Variants in SLC25A36 observed in about 807,000 individuals in gnomAD.
SLC25A36 encodes the protein solute carrier family 25 member 36, also known as epididymis secretory sperm binding protein.
A neutral mutation model predicts 35.3 loss-of-function variants in SLC25A36; 24 were observed. The ratio of observed to expected loss-of-function variants is 0.68; its 90% CI spans 0.49 to 0.96. SLC25A36 has a LOEUF of 0.96. Among genes scored for constraint, SLC25A36 ranks in the 40% least tolerant of loss-of-function variants. SLC25A36 has a pLI of 0.00. For missense variants in SLC25A36, 294 were observed against 381.1 expected, an observed-to-expected ratio of 0.77 and a Z score of 1.90; for synonymous variants, 141 against 132.2, an observed-to-expected ratio of 1.07 and a Z score of -0.46.
chr3:140,976,297 A>G lies in SLC25A36; in HGVS notation c.780A>G (p.Lys260=), dbSNP rs78366368. 1,064 of 1,612,244 alleles carry G rather than the reference A, an allele frequency of 6.6e-4. 3 individuals carry two copies. The African/African-American group carries it at 8.1e-3, about 12-fold the overall frequency. The change falls in exon 7 of 7, where the codon AAA becomes AAG. Residue 260 remains lysine (K), a synonymous_variant. Transcript: ENST00000324194. ...VRTRLREEGT[K]YRSFFQTLSL... is the part of the protein sequence containing the mutation. ...CAAGACTACGTGAAGAGGGAACAAA[A>G]TACAGATCTTTTTTTCAGACTCTAT...
chr3:140,944,042 A>G (rs1459452463), intron 1 of SLC25A36, among the ~76,000 whole-genome samples: 1 of 152,142 alleles, frequency 6.6e-6, no homozygotes, highest in Non-Finnish European at 1.5e-5. Flanking sequence ...TCAGCCGTAT[A>G]ATTTCTCTTC....
intron 1 of SLC25A36, among the ~76,000 whole-genome samples, chr3:140,949,728 T>G (rs1934268354): frequency 6.6e-6 from 1 of 152,246 alleles, no homozygotes; most frequent in Admixed American, 6.5e-5. Context: ...ACTTACACCC[T>G]TCTGTTACAG....
intron 5 of SLC25A36, chr3:140,972,917 A>G (rs1388563946): frequency 6.6e-6 from 1 of 152,126 alleles, no homozygotes; most frequent in African/African-American, 2.4e-5. Flanking sequence ...TTTAGTAGGT[A>G]GCATTTAAAC....
In SLC25A36 at chr3:140,976,265, G is replaced by A. The variant is rs1341792153; in HGVS notation, c.748G>A (p.Val250Ile). Residue 250 changes from valine (V) to isoleucine (I), a missense_variant, in exon 7 of 7, where the codon GTA becomes ATA. Val to Ile is a conservative substitution (Grantham distance 29, BLOSUM62 3). Transcript: ENST00000324194. Reference sequence around the variant, plus strand: ...TTTATTTCTTTCCTACACAGAAGTTGTAAGAACAAGACTACGTGAAGAGGG... The same window carrying A: ...TTTATTTCTTTCCTACACAGAAGTTATAAGAACAAGACTACGTGAAGAGGG... ...ATTIAYPHEV[V>I]RTRLREEGTK... 5 of 1,593,546 alleles carry A rather than the reference G, an allele frequency of 3.1e-6. No individual in the cohort carries two copies. The highest frequency in any genetic ancestry group is 4.3e-6 in the Non-Finnish European group (5 of 1,169,556).
rs373434338 is a variant in SLC25A36, at chr3:140,961,416, G to A, written c.285-1711G>A. 7.9e-5 allele frequency among the ~76,000 whole-genome samples: 12 copies of A among 151,436 alleles called. No individual in the cohort carries two copies. In the East Asian group the frequency reaches 1.6e-3, roughly 20 times the overall value. ...TAAACATTTCCTTATTATACATTTA[G>A]ATTATTTTTAGATTTTCATTGTATA... On this transcript the variant is annotated intron_variant, in intron 3 of 6. Coordinates refer to ENST00000324194, the MANE Select transcript of SLC25A36 (RefSeq NM_001104647.3).
intron 1 of SLC25A36, among the ~76,000 whole-genome samples, chr3:140,944,892 C>T (rs1934121837): frequency 6.6e-6 from 1 of 152,164 alleles, no homozygotes; most frequent in African/African-American, 2.4e-5. Flanking sequence ...GCTTGAAGAT[C>T]AGGGCAGAAG....
chr3:140,952,679 G>A (rs1290758372), intron 1 of SLC25A36, among the ~76,000 whole-genome samples: 2 of 152,146 alleles, frequency 1.3e-5, no homozygotes, highest in African/African-American at 4.8e-5. Context: ...TTTACAACAA[G>A]CGTGTGAGGC....
chr3:140,975,515 A>C (rs1013896694), intron 6 of SLC25A36, among the ~76,000 whole-genome samples: 1 of 152,142 alleles, frequency 6.6e-6, no homozygotes, highest in African/African-American at 2.4e-5. Context: ...CCCTAGGCCC[A>C]TCTGGAATAC....
intron 4 of SLC25A36, chr3:140,968,763 A>C: frequency 2.1e-6 from 2 of 931,668 alleles, no homozygotes; most frequent in South Asian, 9.9e-5. Flanking sequence ...TTAGAAGTAG[A>C]ACTTTTATTT....
intron 4 of SLC25A36, chr3:140,968,038 C>T: frequency 6.1e-6 from 6 of 984,708 alleles, no homozygotes; most frequent in Non-Finnish European, 7.2e-6. Flanking sequence ...GTGTGTTTGT[C>T]ATATAAGTAG....
intron 1 of SLC25A36, chr3:140,942,347 G>A (rs1040229126): frequency 1.0e-5 from 4 of 389,912 alleles, no homozygotes; most frequent in Middle Eastern, 6.7e-4. Flanking sequence ...GGGCAAAGAG[G>A]GTTGAGGCAT....
At chr3:140,969,292 A>T (rs1340396208) in intron 4 of SLC25A36, among the ~76,000 whole-genome samples, 1 of 151,834 alleles carries the variant, frequency 6.6e-6, no homozygotes, top group East Asian at 1.9e-4. Flanking sequence ...TCTTTTACCA[A>T]GAATATATGC....
intron 1 of SLC25A36, among the ~76,000 whole-genome samples, chr3:140,942,934 T>G (rs966790819): frequency 6.6e-5 from 10 of 152,164 alleles, no homozygotes; most frequent in Non-Finnish European, 1.3e-4. Context: ...TTTCTGCTGC[T>G]TAGGAGAAAG....
rs1576492063 is a variant in SLC25A36, at chr3:140,978,394, A to G, written c.*1941A>G. 1 of 152,152 alleles carries G rather than the reference A, an allele frequency of 6.6e-6. No homozygotes were observed. The highest frequency in any genetic ancestry group is 1.5e-5 in the Non-Finnish European group (1 of 68,018). 9.4% of individuals were successfully genotyped at this position (152,152 alleles called of 1,614,324 possible). A position where few individuals can be genotyped will look rare whatever the true frequency, so the allele number is the denominator to read the frequency against. ...GTTTGCCTTTTCAGGTGCCATTTCT[A>G]CTGCCTAATACAGTGCCATTTGCCT... On this transcript the variant is annotated 3_prime_UTR_variant, in exon 7 of 7. Transcript: ENST00000324194.
chr3:140,963,650 T>C (rs926871774), intron 4 of SLC25A36: 1 of 156,484 alleles, frequency 6.4e-6, no homozygotes, highest in African/African-American at 2.4e-5. Flanking sequence ...AAAGTATTCA[T>C]TTTGTCCTGT....
rs529212345 is a variant in SLC25A36, at chr3:140,951,430, T to A, written c.42-5097T>A. Among the ~76,000 whole-genome samples the A allele has an allele frequency of 2.4e-4, 36 of 152,316 alleles. 1 individual carries two copies. The South Asian group carries it at 7.5e-3, about 32-fold the overall frequency. On this transcript the variant is annotated intron_variant, in intron 1 of 6. Coordinates refer to ENST00000324194, the MANE Select transcript of SLC25A36 (RefSeq NM_001104647.3). ...AATGTAAAACTGCTTCAGGACAACC[T>A]AAGTGCTTGTGCATATACCCACTTA...
rs1935167160 is a variant in SLC25A36 at position 140,980,953 on chromosome 3, C to CTA, written c.*4503_*4504dup. Among the ~76,000 whole-genome samples the CTA allele has an allele frequency of 6.6e-6, 1 of 152,086 alleles. No individual in the cohort carries two copies. The highest frequency in any genetic ancestry group is 6.6e-5 in the Admixed American group (1 of 15,264). ...TGGTGTCATGTGATTTCTTAATAGC[C>CTA]TATAGATCCAATAAATACAGAGGAA... On this transcript the variant is annotated 3_prime_UTR_variant, in exon 7 of 7. Coordinates refer to ENST00000324194, the MANE Select transcript of SLC25A36 (RefSeq NM_001104647.3).
In SLC25A36 at chr3:140,980,651, T is replaced by C. The variant is rs1559820793; in HGVS notation, c.*4198T>C. ...AGGTTCTAGTGTGACATTTATACAC[T>C]GATAAAACTCAGGCAAGCAAAATGT... On this transcript the variant is annotated 3_prime_UTR_variant, in exon 7 of 7. Coordinates refer to ENST00000324194, the MANE Select transcript of SLC25A36 (RefSeq NM_001104647.3). 6.6e-6 allele frequency among the ~76,000 whole-genome samples: 1 copy of C among 151,516 alleles called. No homozygotes were observed. The highest frequency in any genetic ancestry group is 1.5e-5 in the Non-Finnish European group (1 of 67,948).
chr3:140,957,484 A>G (rs186075531), intron 2 of SLC25A36, among the ~76,000 whole-genome samples: 6 of 152,306 alleles, frequency 3.9e-5, no homozygotes, highest in African/African-American at 1.4e-4. Flanking sequence ...GCTCACGCCC[A>G]TAATCCCAGC....
Sources: gnomAD v4.1 joint callset for allele counts (sites outside exome capture counted in the v4.1 genomes callset) on GRCh38, gnomAD v4.1.1 for gene constraint, MANE v1.5 for transcripts, NCBI Gene and HGNC (gene_info 2026-07-23, HGNC 2026-07-21) for gene names.